CRTC3: variants seen among roughly 807,000 people sequenced by gnomAD.
The protein encoded by CRTC3 is CREB regulated transcription coactivator 3.
In CRTC3, 26 loss-of-function variants were observed where a neutral mutation model predicts 74.5. The ratio of observed to expected loss-of-function variants is 0.35; its 90% CI spans 0.26 to 0.48. The LOEUF (loss-of-function observed/expected upper bound fraction) is 0.48, where lower values mean the gene tolerates loss of function less well. Among genes scored for constraint, CRTC3 ranks in the 20% least tolerant of loss-of-function variants. The probability of loss-of-function intolerance (pLI) is 0.99; values close to 1 mark genes in which losing one functional copy is unlikely to be tolerated. For synonymous variants in CRTC3, 377 were observed against 325.8 expected (o/e 1.16, Z -1.69); for missense variants, 760 against 787.3 (o/e 0.97, Z 0.41).
At chr15:90,555,482 A>G (rs1465096123) in intron 2 of CRTC3, among the ~76,000 whole-genome samples, 3 of 152,102 alleles carry the variant, frequency 2.0e-5, no homozygotes, top group African/African-American at 7.2e-5. Context: ...TAGCACAAAG[A>G]CGTTAACTCT....
rs1966617129 is a variant in CRTC3, at chr15:90,530,930, A to C, written c.132+727A>C. ...AGGTTAGGTAACCGCTGAGTGAGGC[A>C]GTGGAGGATGGAGAGCCAACCGGAG... On this transcript the variant is annotated intron_variant, in intron 1 of 14. Transcript: ENST00000268184. This position sits in a 1 kb window ranked among gnomAD's most constrained non-coding sequence, Gnocchi z 6.2. 6.6e-6 allele frequency among the ~76,000 whole-genome samples: 1 copy of C among 152,168 alleles called. No individual in the cohort carries two copies. The highest frequency in any genetic ancestry group is 2.4e-5 in the African/African-American group (1 of 41,444).
chr15:90,624,573 G>A (rs929680221), intron 9 of CRTC3, among the ~76,000 whole-genome samples: 8 of 152,014 alleles, frequency 5.3e-5, no homozygotes, highest in East Asian at 1.9e-4. Flanking sequence ...TGGCAAACCC[G>A]TCCCCTCCAC....
At chr15:90,608,401 A>C (rs1229146218) in intron 6 of CRTC3, among the ~76,000 whole-genome samples, 2 of 152,084 alleles carry the variant, frequency 1.3e-5, no homozygotes, top group African/African-American at 4.8e-5. Context: ...CAAGGTAGCC[A>C]TGCGAACCAC....
rs1440486200 is a variant in CRTC3, at chr15:90,630,755, C to T, written c.1266+1223C>T. Among the ~76,000 whole-genome samples, 11 of 37,522 alleles carry T rather than the reference C, an allele frequency of 2.9e-4. 2 individuals carry two copies. The highest frequency in any genetic ancestry group is 6.9e-4 in the African/African-American group (9 of 13,090). 24.6% of individuals were successfully genotyped at this position (37,522 alleles called of 152,430 possible). On this transcript the variant is annotated intron_variant, in intron 11 of 14. Coordinates refer to ENST00000268184, the MANE Select transcript of CRTC3 (RefSeq NM_022769.5). Reference sequence around the variant, plus strand: ...TCACATCCTCTGTCTATTACAGCATCATTTTTTTTTTTTTTTTTTTTTTTT... The same window carrying T: ...TCACATCCTCTGTCTATTACAGCATTATTTTTTTTTTTTTTTTTTTTTTTT...
chr15:90,546,077 A>G (rs1966843853), intron 2 of CRTC3, among the ~76,000 whole-genome samples: 3 of 152,044 alleles, frequency 2.0e-5, no homozygotes, highest in Admixed American at 2.0e-4. Context: ...GTGTTATTTT[A>G]TGATTTGTGC....
intron 9 of CRTC3, chr15:90,620,254 TAC>T (rs1188302732): frequency 1.3e-5 from 2 of 154,844 alleles, no homozygotes; most frequent in African/African-American, 4.8e-5. Context: ...CACTGAACTG[TAC>T]ACACAGAAAT....
At chr15:90,603,912 A>G (rs544521644) in intron 4 of CRTC3, among the ~76,000 whole-genome samples, 1 of 152,214 alleles carries the variant, frequency 6.6e-6, no homozygotes, top group Non-Finnish European at 1.5e-5. Flanking sequence ...TTACATCAGT[A>G]AAAGTCATCT....
At chr15:90,625,689 T>C (rs1968808563) in intron 9 of CRTC3, 87 bp from the exon 10 acceptor site, 8 of 1,236,012 alleles carry the variant, frequency 6.5e-6, no homozygotes, top group Non-Finnish European at 9.5e-6. Context: ...ACTGCTCTTA[T>C]TTGACAAGGA....
At chr15:90,628,601 C>A (rs914666546) in intron 10 of CRTC3, among the ~76,000 whole-genome samples, 6 of 152,188 alleles carry the variant, frequency 3.9e-5, no homozygotes, top group Admixed American at 2.6e-4. Context: ...CAAATTCACC[C>A]CTGTCCCCCA....
chr15:90,540,234 C>T (rs1488034070), intron 2 of CRTC3, 97 bp downstream of exon 2: 2 of 818,068 alleles, frequency 2.4e-6, no homozygotes, highest in Admixed American at 2.8e-5. Context: ...ATAAGCTGGG[C>T]CTAGGTACAG....
chr15:90,536,328 G>A (rs1966718294), intron 1 of CRTC3, among the ~76,000 whole-genome samples: 1 of 151,478 alleles, frequency 6.6e-6, no homozygotes, highest in African/African-American at 2.4e-5. Flanking sequence ...TTGAGCCCAG[G>A]AATTCTAGAC....
At chr15:90,622,671 C>T (rs1037178616) in intron 9 of CRTC3, among the ~76,000 whole-genome samples, 44 of 151,900 alleles carry the variant, frequency 2.9e-4, no homozygotes, top group African/African-American at 1.1e-3. Context: ...GCCAACATGG[C>T]GAAACCCTGT....
At chr15:90,585,128 T>C (rs533829751) in intron 2 of CRTC3, among the ~76,000 whole-genome samples, 1 of 152,290 alleles carries the variant, frequency 6.6e-6, no homozygotes, top group African/African-American at 2.4e-5. Context: ...ATACAATTTA[T>C]CTGGAGAATT....
intron 2 of CRTC3, among the ~76,000 whole-genome samples, chr15:90,568,470 C>T (rs1383835303): frequency 6.6e-6 from 1 of 152,068 alleles, no homozygotes; most frequent in African/African-American, 2.4e-5. Context: ...CCTGCCTCAG[C>T]CTCCCGAGTA....
chr15:90,579,501 A>G (rs1418654930), intron 2 of CRTC3, among the ~76,000 whole-genome samples: 2 of 152,096 alleles, frequency 1.3e-5, no homozygotes, highest in South Asian at 4.2e-4. Flanking sequence ...GGTAGTAATT[A>G]TTGTGTCATA....
At chr15:90,633,499 A>C (rs956843069) in intron 11 of CRTC3, among the ~76,000 whole-genome samples, 1 of 152,008 alleles carries the variant, frequency 6.6e-6, no homozygotes, top group African/African-American at 2.4e-5. Flanking sequence ...TGCCATTCGG[A>C]CTCTTAACAC....
At chr15:90,567,457 C>T (rs1412318791) in intron 2 of CRTC3, among the ~76,000 whole-genome samples, 1 of 152,074 alleles carries the variant, frequency 6.6e-6, no homozygotes, top group Non-Finnish European at 1.5e-5. Context: ...GAGGCCGAGG[C>T]AGGTGGATCA....
intron 2 of CRTC3, among the ~76,000 whole-genome samples, chr15:90,577,772 G>T (rs1967440868): frequency 6.6e-6 from 1 of 152,090 alleles, no homozygotes; most frequent in Non-Finnish European, 1.5e-5. Flanking sequence ...TGAAATAAGA[G>T]AAAGACAAAT....
intron 2 of CRTC3, among the ~76,000 whole-genome samples, chr15:90,585,851 C>G (rs570324387): frequency 1.3e-5 from 2 of 152,300 alleles, no homozygotes; most frequent in East Asian, 3.9e-4. Flanking sequence ...GGGTGTGATG[C>G]AGAACTGGAG....
Sources: gnomAD v4.1 joint callset for allele counts (sites outside exome capture counted in the v4.1 genomes callset) on GRCh38, gnomAD v4.1.1 for gene constraint, Gnocchi (gnomAD v3.1) non-coding constraint, MANE v1.5 for transcripts, NCBI Gene and HGNC (gene_info 2026-07-23, HGNC 2026-07-21) for gene names.